PRDM11: variants seen among roughly 807,000 people sequenced by gnomAD.
The protein encoded by PRDM11 is PR domain-containing protein 11.
PRDM11 carries 20 observed loss-of-function variants against 97.8 expected under a neutral mutation model. The ratio of observed to expected loss-of-function variants is 0.20; its 90% CI spans 0.14 to 0.30. The LOEUF is 0.30. Ranked by LOEUF, PRDM11 falls within the 10% of genes least tolerant of loss-of-function variation. PRDM11 has a pLI of 1.00. For missense variants in PRDM11, 1,139 were observed against 1,555.2 expected (o/e 0.73, Z 4.50); for synonymous variants, 599 against 637.7 (o/e 0.94, Z 0.91).
chr11:45,095,965 C>T, intron 1 of PRDM11: 1 of 750,504 alleles, frequency 1.3e-6, no homozygotes, highest in Non-Finnish European at 2.5e-6. Flanking sequence ...ACTACCTCTC[C>T]CTGGAATACT....
Position 45,227,193 on chromosome 11 carries a change from C to T in PRDM11, c.2568C>T (p.Thr856=). 1 of 1,533,978 alleles carries T rather than the reference C, an allele frequency of 6.5e-7. No individual in the cohort carries two copies. Among genetic ancestry groups the T allele is most frequent in the East Asian group, 2.4e-5 (1 of 40,910 alleles). ...ATCTCAAGGAGGTCAGCAGCCAGAC[C>T]CAGCGGGCAGACGCCTCGGCCATCG... ...VAHLKEVSSQ[T]QRADASAIAL... is the part of the protein sequence containing the mutation. The change falls in exon 8 of 8, where the codon ACC becomes ACT. Residue 856 remains threonine (T), a synonymous_variant. Coordinates refer to ENST00000683152, the MANE Select transcript of PRDM11 (RefSeq NM_001384648.1). This position sits in a 1 kb window ranked among gnomAD's most constrained non-coding sequence, Gnocchi z 8.0.
At chr11:45,200,367 C>T (rs1853284345) in intron 4 of PRDM11, among the ~76,000 whole-genome samples, 1 of 152,222 alleles carries the variant, frequency 6.6e-6, no homozygotes, top group African/African-American at 2.4e-5. Flanking sequence ...AATATTTGAA[C>T]TCTTAATAAT....
At chr11:45,176,473 T>C (rs1852330903) in intron 1 of PRDM11, among the ~76,000 whole-genome samples, 1 of 152,206 alleles carries the variant, frequency 6.6e-6, no homozygotes, top group Admixed American at 6.5e-5. Context: ...GTACTTACGA[T>C]AGGTCAGGCA....
intron 1 of PRDM11, among the ~76,000 whole-genome samples, chr11:45,164,746 C>T (rs994596030): frequency 1.3e-5 from 2 of 152,110 alleles, no homozygotes; most frequent in African/African-American, 4.8e-5. Flanking sequence ...GTGTTTTGAC[C>T]TCGATGGTGG....
chr11:45,188,817 G>A (rs963569587), intron 4 of PRDM11, among the ~76,000 whole-genome samples: 7 of 152,222 alleles, frequency 4.6e-5, no homozygotes, highest in Admixed American at 2.0e-4. Context: ...CTGCTGGCAC[G>A]AGGCATTTGG....
chr11:45,098,947 A>G (rs1438768973), intron 1 of PRDM11, among the ~76,000 whole-genome samples: 1 of 152,164 alleles, frequency 6.6e-6, no homozygotes, highest in Non-Finnish European at 1.5e-5. Context: ...GAGTCAATGG[A>G]GTGTTTCAAG....
Position 45,181,844 on chromosome 11 carries a change from G to A in PRDM11, c.78G>A (p.Glu26=). ...VGDMVTVVKT[E]VCSPLRDQEY... is the part of the protein sequence containing the mutation. ...ATATGGTGACGGTGGTGAAGACGGA[G>A]GTCTGCTCACCACTCCGAGACCAGG... The change falls in exon 2 of 8, where the codon GAG becomes GAA. Residue 26 remains glutamate (E), a synonymous_variant. Coordinates refer to ENST00000683152, the MANE Select transcript of PRDM11 (RefSeq NM_001384648.1). The A allele has an allele frequency of 6.2e-7, 1 of 1,613,450 alleles. No individual in the cohort carries two copies. Among genetic ancestry groups the A allele is most frequent in the Non-Finnish European group, 8.5e-7 (1 of 1,179,926 alleles).
At chr11:45,147,300 GCGCGGA>G (rs1318649615) in intron 1 of PRDM11, 1 of 150,724 alleles carries the variant, frequency 6.6e-6, no homozygotes, top group East Asian at 1.9e-4. Context: ...ACGGGGCGGG[GCGCGGA>G]CGCCGACGCC....
At chr11:45,140,396 C>T in intron 1 of PRDM11, among the ~76,000 whole-genome samples, 1 of 152,210 alleles carries the variant, frequency 6.6e-6, no homozygotes, top group East Asian at 1.9e-4. Context: ...TGGCTCCTGG[C>T]CCAGATCTCT....
intron 1 of PRDM11, among the ~76,000 whole-genome samples, chr11:45,137,918 G>A (rs193185196): frequency 9.1e-4 from 138 of 152,180 alleles, no homozygotes; most frequent in Middle Eastern, 3.4e-3. Context: ...CTCTCTCTGC[G>A]TGCACACATA....
At chr11:45,151,808 T>C (rs1851666768) in intron 1 of PRDM11, among the ~76,000 whole-genome samples, 1 of 152,196 alleles carries the variant, frequency 6.6e-6, no homozygotes, top group South Asian at 2.1e-4. Flanking sequence ...AGGGCATGGC[T>C]TGTCCAGAAG....
chr11:45,230,374 G>A lies in PRDM11; in HGVS notation c.*2215G>A, dbSNP rs1328340530. 2 of 152,136 alleles carry A rather than the reference G, an allele frequency of 1.3e-5. No homozygotes were observed. The highest frequency in any genetic ancestry group is 4.8e-5 in the African/African-American group (2 of 41,424). 9.4% of individuals were successfully genotyped at this position (152,136 alleles called of 1,614,324 possible). A position where few individuals can be genotyped will look rare whatever the true frequency, so the allele number is the denominator to read the frequency against. On this transcript the variant is annotated 3_prime_UTR_variant, in exon 8 of 8. Transcript: ENST00000683152. Reference sequence around the variant, plus strand: ...GAAGACAGTTAGCAGGAACTAGCAAGGAAAGGCTGAAAGCCTCCTTCTGAG... The same window carrying A: ...GAAGACAGTTAGCAGGAACTAGCAAAGAAAGGCTGAAAGCCTCCTTCTGAG...
chr11:45,100,462 T>C (rs1851953229), intron 1 of PRDM11, among the ~76,000 whole-genome samples: 1 of 152,228 alleles, frequency 6.6e-6, no homozygotes, highest in Non-Finnish European at 1.5e-5. Context: ...CCAGATGTCC[T>C]GATTGGCAGC....
Position 45,229,477 on chromosome 11 carries a change from C to CACACAG in PRDM11, c.*1324_*1329dup, listed in dbSNP as rs1854354279. The CACACAG allele has an allele frequency of 3.6e-5, 1 of 27,800 alleles. No individual in the cohort carries two copies. Among genetic ancestry groups the CACACAG allele is most frequent in the Admixed American group, 2.4e-4 (1 of 4,218 alleles). 1.7% of individuals were successfully genotyped at this position (27,800 alleles called of 1,614,324 possible). A position where few individuals can be genotyped will look rare whatever the true frequency, so the allele number is the denominator to read the frequency against. ...ATCAGCCTACACAGACACACACACA[C>CACACAG]ACACAGACACACACACACACACAGA... is the stretch of plus-strand genomic sequence containing the variant. On this transcript the variant is annotated 3_prime_UTR_variant, in exon 8 of 8. Transcript: ENST00000683152.
At chr11:45,115,363 CAAAAG>C (rs1852278088) in intron 1 of PRDM11, among the ~76,000 whole-genome samples, 1 of 151,434 alleles carries the variant, frequency 6.6e-6, no homozygotes, top group Non-Finnish European at 1.5e-5. Context: ...ATGTTTAACT[CAAAAG>C]AAAACAAAAA....
At chr11:45,112,096 C>T (rs559864012) in intron 1 of PRDM11, among the ~76,000 whole-genome samples, 162 of 152,264 alleles carry the variant, frequency 1.1e-3, no homozygotes, top group Non-Finnish European at 2.1e-3. Context: ...ATCCATTACC[C>T]TCCCAACCTT....
intron 1 of PRDM11, among the ~76,000 whole-genome samples, chr11:45,111,844 T>G (rs550186802): frequency 6.6e-6 from 1 of 152,342 alleles, no homozygotes; most frequent in African/African-American, 2.4e-5. Context: ...GAAGTCACTC[T>G]GCTGTGTGGC....
At chr11:45,212,395 G>A in intron 5 of PRDM11, 2 of 348,074 alleles carry the variant, frequency 5.7e-6, no homozygotes, top group Non-Finnish European at 1.1e-5. Flanking sequence ...TTTTTCAGGG[G>A]CAGGGCCAAC....
intron 6 of PRDM11, among the ~76,000 whole-genome samples, chr11:45,220,494 A>G (rs1345742382): frequency 2.0e-5 from 3 of 152,204 alleles, no homozygotes; most frequent in Non-Finnish European, 4.4e-5. Flanking sequence ...TCTTTTACCC[A>G]TCTTACAGAT....
Sources: allele counts gnomAD v4.1 joint callset (sites outside exome capture counted in the v4.1 genomes callset), GRCh38; gene constraint gnomAD v4.1.1; non-coding constraint Gnocchi (gnomAD v3.1); transcripts MANE v1.5; gene names NCBI Gene and HGNC (gene_info 2026-07-23, HGNC 2026-07-21).